Variants in PIK3C3 observed in about 807,000 individuals in gnomAD.
PIK3C3 encodes the protein PI3-kinase type 3.
In PIK3C3, 95 loss-of-function variants were observed where a neutral mutation model predicts 126.1. The observed-to-expected ratio is 0.75, with a 90% CI of 0.64 to 0.89. The LOEUF is 0.89. Among genes scored for constraint, PIK3C3 ranks in the 40% least tolerant of loss-of-function variants. The probability of loss-of-function intolerance (pLI) is 0.00; values close to 1 mark genes in which losing one functional copy is unlikely to be tolerated. For missense variants in PIK3C3, 829 were observed against 1,063.2 expected (o/e 0.78, Z 3.06); for synonymous variants, 374 against 360.0 (o/e 1.04, Z -0.44).
intron 3 of PIK3C3, among the ~76,000 whole-genome samples, chr18:41,963,397 C>T (rs894267025): frequency 6.6e-6 from 1 of 152,084 alleles, no homozygotes; most frequent in Non-Finnish European, 1.5e-5. Context: ...GTGTTTTAGT[C>T]CATTGCTGTC....
chr18:42,057,738 T>G, intron 21 of PIK3C3, 145 bp from the exon 22 acceptor site: 1 of 689,814 alleles, frequency 1.4e-6, no homozygotes, highest in South Asian at 1.9e-5. Flanking sequence ...AACCTGCAGT[T>G]AGAAATATCG....
At chr18:42,011,190 G>T (rs1311319355) in intron 10 of PIK3C3, among the ~76,000 whole-genome samples, 1 of 152,188 alleles carries the variant, frequency 6.6e-6, no homozygotes. Context: ...TGACGAATGA[G>T]CAGTGGCTTC....
At chr18:41,970,148 A>G (rs1464123891) in intron 3 of PIK3C3, among the ~76,000 whole-genome samples, 179 bp from the exon 4 acceptor site, 2 of 152,198 alleles carry the variant, frequency 1.3e-5, no homozygotes, top group Non-Finnish European at 2.9e-5. Context: ...TGTGCAAAGC[A>G]GTGTGACATG....
chr18:42,083,386 A>G lies in PIK3C3; in HGVS notation c.*2249A>G, dbSNP rs762899084. 3.9e-5 allele frequency: 6 copies of G among 152,194 alleles called. No homozygotes were observed. Among genetic ancestry groups the G allele is most frequent in the East Asian group, 1.9e-4 (1 of 5,194 alleles). 9.4% of individuals were successfully genotyped at this position (152,194 alleles called of 1,614,324 possible). ...CTTTAATTAAAAAAGTGTGAGTACT[A>G]TGGTCATTAAGTTATTCAGAGTGAG... On this transcript the variant is annotated 3_prime_UTR_variant, in exon 25 of 25. Transcript: ENST00000262039.
intron 10 of PIK3C3, among the ~76,000 whole-genome samples, chr18:42,009,589 T>C (rs1982704977): frequency 6.6e-6 from 1 of 151,136 alleles, no homozygotes. Flanking sequence ...GTATGTAGAC[T>C]ACATTATGTA....
At position 42,011,041 on chromosome 18, in the gene PIK3C3, TG is replaced by T. The variant is rs537749746; in HGVS notation, c.1171-2398del. Among the ~76,000 whole-genome samples, 490 of 152,320 alleles carry T rather than the reference TG, an allele frequency of 3.2e-3. 1 individual carries two copies. The highest frequency in any genetic ancestry group is 0.011 in the African/African-American group (463 of 41,566). On this transcript the variant is annotated intron_variant, in intron 10 of 24. Transcript: ENST00000262039. Reference sequence around the variant, plus strand: ...TTTTGAAATCTTCTTTTCTGAACAGTGGGTCTCAACAGTGGGCTTAAATATT... The same window carrying T: ...TTTTGAAATCTTCTTTTCTGAACAGTGGTCTCAACAGTGGGCTTAAATATT...
At chr18:41,994,471 T>C (rs1031733520) in intron 7 of PIK3C3, among the ~76,000 whole-genome samples, 8 of 152,158 alleles carry the variant, frequency 5.3e-5, no homozygotes, top group Non-Finnish European at 1.2e-4. Context: ...TGAGATGATA[T>C]ACAGCTGTAT....
At chr18:42,016,998 T>C (rs1414774207) in intron 12 of PIK3C3, among the ~76,000 whole-genome samples, 1 of 152,160 alleles carries the variant, frequency 6.6e-6, no homozygotes, top group Non-Finnish European at 1.5e-5. Context: ...GATATTTCTC[T>C]TGTGATTGAT....
At chr18:42,063,847 A>G (rs1221917706) in intron 22 of PIK3C3, among the ~76,000 whole-genome samples, 4 of 152,194 alleles carry the variant, frequency 2.6e-5, no homozygotes, top group South Asian at 2.1e-4. Context: ...CTTGGTTGAC[A>G]TTTTTACTGA....
chr18:42,004,250 C>A, intron 9 of PIK3C3, 106 bp from the exon 10 acceptor site: 1 of 768,154 alleles, frequency 1.3e-6, no homozygotes, highest in South Asian at 1.7e-5. Flanking sequence ...GAGTCTATCA[C>A]TGACTCCGTG....
At chr18:42,023,589 A>G (rs56204056) in intron 13 of PIK3C3, among the ~76,000 whole-genome samples, 479 of 152,322 alleles carry the variant, frequency 3.1e-3, no homozygotes, top group Non-Finnish European at 5.4e-3. Flanking sequence ...CAGTCTGCCT[A>G]TTACATATTC....
intron 4 of PIK3C3, among the ~76,000 whole-genome samples, chr18:41,976,225 C>T (rs1335472298): frequency 6.6e-6 from 1 of 152,076 alleles, no homozygotes; most frequent in Non-Finnish European, 1.5e-5. Context: ...AAGTATTTTG[C>T]ATTAATCTAT....
chr18:41,977,482 C>A (rs1344836076), intron 4 of PIK3C3, among the ~76,000 whole-genome samples: 1 of 151,780 alleles, frequency 6.6e-6, no homozygotes, highest in Non-Finnish European at 1.5e-5. Context: ...GAGGAAGTGG[C>A]TATATAGATA....
intron 1 of PIK3C3, among the ~76,000 whole-genome samples, chr18:41,956,927 A>G (rs1389689350): frequency 6.6e-6 from 1 of 152,220 alleles, no homozygotes; most frequent in African/African-American, 2.4e-5. Context: ...TGTAATCTTG[A>G]TGTCTAAAAA....
At position 42,083,422 on chromosome 18, in the gene PIK3C3, G is replaced by A. The variant is rs1441726741; in HGVS notation, c.*2285G>A. ...GTTATTCAGAGTGAGATTTCTGAGAGGAGAAGAGAGAATGTAGATGGCAGT... is the reference window on the plus strand; with the variant it reads ...GTTATTCAGAGTGAGATTTCTGAGAAGAGAAGAGAGAATGTAGATGGCAGT... On this transcript the variant is annotated 3_prime_UTR_variant, in exon 25 of 25. Coordinates refer to ENST00000262039, the MANE Select transcript of PIK3C3 (RefSeq NM_002647.4). The A allele has an allele frequency of 6.6e-6, 1 of 152,122 alleles. No individual in the cohort carries two copies. Among genetic ancestry groups the A allele is most frequent in the Admixed American group, 6.6e-5 (1 of 15,262 alleles). The allele number at this position is 152,122 out of a possible 1,614,324, so 9.4% of individuals were successfully genotyped here.
At chr18:42,051,175 TCAGGATGCAAGTTC>T (rs1984785795) in intron 21 of PIK3C3, 1 of 152,256 alleles carries the variant, frequency 6.6e-6, no homozygotes, top group Admixed American at 6.5e-5. Context: ...CTTCTCCCCT[TCAGGATGCAAGTTC>T]CATGAGAGCA....
intron 16 of PIK3C3, among the ~76,000 whole-genome samples, chr18:42,036,255 A>G (rs1403877306): frequency 6.6e-6 from 1 of 152,184 alleles, no homozygotes; most frequent in Non-Finnish European, 1.5e-5. Flanking sequence ...AAAGTTTTCA[A>G]GCATACAGCA....
intron 4 of PIK3C3, among the ~76,000 whole-genome samples, chr18:41,981,512 G>A (rs1388578334): frequency 6.6e-6 from 1 of 152,124 alleles, no homozygotes; most frequent in Non-Finnish European, 1.5e-5. Context: ...TCATTAATCA[G>A]GAAGATAGAA....
chr18:41,992,569 T>C (rs1308523164), intron 6 of PIK3C3, among the ~76,000 whole-genome samples: 1 of 152,202 alleles, frequency 6.6e-6, no homozygotes, highest in Non-Finnish European at 1.5e-5. Context: ...CCAGTATATT[T>C]GGCAGTGACA....
Sources: gnomAD v4.1 joint callset for allele counts (sites outside exome capture counted in the v4.1 genomes callset) on GRCh38, gnomAD v4.1.1 for gene constraint, MANE v1.5 for transcripts, NCBI Gene and HGNC (gene_info 2026-07-23, HGNC 2026-07-21) for gene names.